Variants in PRKX observed in about 807,000 individuals in gnomAD.
PRKX encodes cAMP-dependent protein kinase catalytic subunit PRKX.
PRKX carries 12 observed loss-of-function variants against 22.0 expected under a neutral mutation model. The ratio of observed to expected loss-of-function variants is 0.54; its 90% confidence interval spans 0.35 to 0.88. The LOEUF is 0.88. Among genes scored for constraint, PRKX ranks in the 40% least tolerant of loss-of-function variants. The probability of loss-of-function intolerance (pLI) is 0.01; values close to 1 mark genes in which losing one functional copy is unlikely to be tolerated. For missense variants in PRKX, 217 were observed against 308.0 expected, an observed-to-expected ratio of 0.70 and a Z score of 2.21; for synonymous variants, 134 against 137.7, an observed-to-expected ratio of 0.97 and a Z score of 0.19.
chrX:3,677,166 GAACAAGA>G (rs1927976274), intron 1 of PRKX, among the ~76,000 whole-genome samples: 1 of 109,400 alleles, frequency 9.1e-6, no homozygotes, highest in Admixed American at 9.8e-5. Flanking sequence ...AGTTTTAGTT[GAACAAGA>G]TAAACCATGG....
chrX:3,623,667 C>T (rs1926604743), intron 5 of PRKX, among the ~76,000 whole-genome samples: 1 of 111,684 alleles, frequency 9.0e-6, no homozygotes, highest in Admixed American at 9.5e-5. Context: ...AAAGGAACGA[C>T]AGAAGTGTCC....
At chrX:3,625,125 T>C (rs1009083664) in intron 5 of PRKX, among the ~76,000 whole-genome samples, 1 of 111,529 alleles carries the variant, frequency 9.0e-6, no homozygotes. Flanking sequence ...GGCGACTCAT[T>C]GTTAAGCGGA....
chrX:3,615,068 G>T (rs775238868), intron 7 of PRKX, among the ~76,000 whole-genome samples: 64 of 94,823 alleles, frequency 6.7e-4, no homozygotes, highest in Non-Finnish European at 1.1e-3. Flanking sequence ...GCCCAGGCTG[G>T]AGTGCAGTGG....
intron 1 of PRKX, among the ~76,000 whole-genome samples, chrX:3,700,611 C>T (rs765573415): frequency 4.6e-5 from 5 of 108,806 alleles, no homozygotes; most frequent in Non-Finnish European, 9.5e-5. Context: ...CATGGTCTCA[C>T]TCTGTCACCC....
chrX:3,704,660 C>T (rs963575634), intron 1 of PRKX, among the ~76,000 whole-genome samples: 2 of 103,689 alleles, frequency 1.9e-5, no homozygotes, highest in African/African-American at 7.0e-5. Flanking sequence ...AGACCCTGTC[C>T]AAAAAAAAAA....
At chrX:3,659,260 GA>G (rs760217375) in intron 2 of PRKX, among the ~76,000 whole-genome samples, 968 of 85,251 alleles carry the variant, frequency 0.011, 11 homozygotes, top group African/African-American at 0.035. Context: ...TTTCTAAAAG[GA>G]AAAAAAAAAA....
chrX:3,672,291 T>C (rs1445987275), intron 2 of PRKX, among the ~76,000 whole-genome samples: 2 of 111,988 alleles, frequency 1.8e-5, no homozygotes, highest in Non-Finnish European at 3.8e-5. Flanking sequence ...TAGGGCTTTA[T>C]ATAAGACTTA....
At chrX:3,640,850 A>T (rs1308641056) in intron 4 of PRKX, among the ~76,000 whole-genome samples, 1 of 111,689 alleles carries the variant, frequency 9.0e-6, no homozygotes, top group East Asian at 2.8e-4. Context: ...GATGGCGACA[A>T]GTGACCTCTG....
intron 7 of PRKX, among the ~76,000 whole-genome samples, chrX:3,614,442 C>A (rs1352644642): frequency 8.9e-6 from 1 of 112,048 alleles, no homozygotes; most frequent in Non-Finnish European, 1.9e-5. Flanking sequence ...TGAGCAAGAT[C>A]GTGCCACTGC....
chrX:3,702,825 C>A (rs1928605551), intron 1 of PRKX, among the ~76,000 whole-genome samples: 1 of 107,724 alleles, frequency 9.3e-6, no homozygotes, highest in South Asian at 4.3e-4. Context: ...CCCCGAATAG[C>A]TGGGACCACA....
At chrX:3,632,937 G>T in intron 4 of PRKX, among the ~76,000 whole-genome samples, 1 of 112,854 alleles carries the variant, frequency 8.9e-6, no homozygotes, top group Non-Finnish European at 1.9e-5. Context: ...TCATGCCCAG[G>T]CTAGGCACAG....
At chrX:3,650,520 CAAAAAA>C (rs748871957) in intron 3 of PRKX, among the ~76,000 whole-genome samples, 18 of 37,854 alleles carry the variant, frequency 4.8e-4, no homozygotes, top group Non-Finnish European at 6.6e-4. Flanking sequence ...GACTCCTCTC[CAAAAAA>C]AAAAAAAAAA....
At chrX:3,641,240 G>A (rs1365736874) in intron 4 of PRKX, among the ~76,000 whole-genome samples, 3 of 110,945 alleles carry the variant, frequency 2.7e-5, no homozygotes, top group Non-Finnish European at 3.8e-5. Flanking sequence ...GGTGTGGGTC[G>A]GGACCCCTTT....
At position 3,693,955 on chromosome X, in the gene PRKX, A is replaced by G. The variant is rs185460820; in HGVS notation, c.166+19133T>C. ...ACTCCGTCTCAAAAAAAAAAAAAAA[A>G]AAAAGAAAAGAAAATAGGGTCTTTG... On this transcript the variant is annotated intron_variant, in intron 1 of 8. Transcript: ENST00000262848. Among the ~76,000 whole-genome samples, 743 of 107,764 alleles carry G rather than the reference A, an allele frequency of 6.9e-3. 6 individuals carry two copies. The highest frequency in any genetic ancestry group is 0.01 in the African/African-American group (310 of 29,543). The allele number at this position is 107,764 out of a possible 115,157, so 93.6% of individuals were successfully genotyped here.
At chrX:3,615,929 A>G (rs1354894402) in intron 6 of PRKX, 37 bp from the exon 7 acceptor site, 1 of 1,125,087 alleles carries the variant, frequency 8.9e-7, no homozygotes, top group Non-Finnish European at 1.2e-6. Flanking sequence ...AGTGTACAGA[A>G]TTTTGACAGG....
intron 1 of PRKX, among the ~76,000 whole-genome samples, chrX:3,704,797 C>G (rs772416781): frequency 1.8e-5 from 2 of 112,105 alleles, no homozygotes; most frequent in Admixed American, 1.9e-4. Flanking sequence ...GAATAGTACT[C>G]CATTGTGTAG....
At chrX:3,710,384 G>A (rs892385433) in intron 1 of PRKX, among the ~76,000 whole-genome samples, 73 of 111,462 alleles carry the variant, frequency 6.5e-4, no homozygotes, top group African/African-American at 2.3e-3. Flanking sequence ...AATCTAGAAC[G>A]CTGACAAGTT....
At chrX:3,672,817 A>G in intron 2 of PRKX, among the ~76,000 whole-genome samples, 1 of 111,254 alleles carries the variant, frequency 9.0e-6, no homozygotes, top group Non-Finnish European at 1.9e-5. Context: ...CAGGAGTTTG[A>G]GACCAGCCTG....
chrX:3,700,645 C>G (rs961876156), intron 1 of PRKX, among the ~76,000 whole-genome samples: 1 of 110,371 alleles, frequency 9.1e-6, no homozygotes, highest in Non-Finnish European at 1.9e-5. Flanking sequence ...ATGGTGCAAT[C>G]ATAGCTCACT....
Sources: gnomAD v4.1 joint callset for allele counts (sites outside exome capture counted in the v4.1 genomes callset) on GRCh38, gnomAD v4.1.1 for gene constraint, MANE v1.5 for transcripts, NCBI Gene and HGNC (gene_info 2026-07-23, HGNC 2026-07-21) for gene names.